The following GREB1L variants were observed in gnomAD, a reference collection of about 807,000 sequenced individuals.
GREB1L encodes GREB1 like retinoic acid receptor coactivator.
Under a neutral mutation model 200.8 loss-of-function variants are expected in GREB1L, and 17 were observed. The observed-to-expected ratio is 0.08, with a 90% CI of 0.06 to 0.13. The LOEUF is 0.13. Among genes scored for constraint, GREB1L ranks in the 10% least tolerant of loss-of-function variants. GREB1L has a pLI of 1.00. For synonymous variants in GREB1L, 789 were observed against 893.0 expected (o/e 0.88, Z 2.08); for missense variants, 1,657 against 2,367.7 (o/e 0.70, Z 6.23).
intron 7 of GREB1L, among the ~76,000 whole-genome samples, chr18:21,426,965 A>C (rs1352523368): frequency 1.9e-5 from 2 of 105,668 alleles, no homozygotes; most frequent in Non-Finnish European, 3.2e-5. Context: ...TCTCAAAAAA[A>C]AAAAAAACAA....
chr18:21,452,008 C>T (rs1292090175), intron 13 of GREB1L, 75 bp from the exon 14 acceptor site: 1 of 1,419,930 alleles, frequency 7.0e-7, no homozygotes, highest in Non-Finnish European at 9.6e-7. Context: ...AGCCTAACTG[C>T]CCAACTTGGG....
rs1022688409 is a variant in GREB1L at position 21,500,039 on chromosome 18, A to G, written c.3702A>G (p.Leu1234=). The change falls in exon 22 of 33, where the codon CTA becomes CTG. Residue 1234 remains leucine, a synonymous_variant. Coordinates refer to ENST00000424526, the MANE Select transcript of GREB1L (RefSeq NM_001142966.3). ...CAGCCCTGCCACCAGTGGTGATCCT[A>G]TCCAAAGCGGCCTACAGTCTCCTGG... ...PQAALPPVVI[L]SKAAYSLLGS... The G allele has an allele frequency of 1.2e-4, 186 of 1,551,410 alleles. No homozygotes were observed. The highest frequency in any genetic ancestry group is 1.5e-4 in the Non-Finnish European group (170 of 1,146,962).
At chr18:21,496,824 C>G in intron 21 of GREB1L, 126 bp downstream of exon 21, 1 of 988,142 alleles carries the variant, frequency 1.0e-6, no homozygotes, top group Non-Finnish European at 1.5e-6. Flanking sequence ...GGACTGGCAT[C>G]CTCTCCAGAC....
chr18:21,276,924 CTTTTTTT>C (rs573871373), intron 1 of GREB1L, among the ~76,000 whole-genome samples: 1 of 107,660 alleles, frequency 9.3e-6, no homozygotes, highest in East Asian at 2.6e-4. Flanking sequence ...CAGCCCAGCC[CTTTTTTT>C]TTTTTTTTTT....
intron 7 of GREB1L, among the ~76,000 whole-genome samples, chr18:21,405,949 T>G (rs1360084909): frequency 6.6e-6 from 1 of 150,916 alleles, no homozygotes; most frequent in East Asian, 2.0e-4. Flanking sequence ...CTGGGCAACA[T>G]AGTGAAACCC....
intron 1 of GREB1L, among the ~76,000 whole-genome samples, chr18:21,356,401 A>T (rs1471576884): frequency 6.6e-6 from 1 of 152,184 alleles, no homozygotes; most frequent in Non-Finnish European, 1.5e-5. Context: ...TTAAGATTCC[A>T]TATATAATTG....
intron 5 of GREB1L, among the ~76,000 whole-genome samples, 184 bp from the exon 6 acceptor site, chr18:21,400,966 C>T (rs1011721804): frequency 1.3e-5 from 2 of 152,140 alleles, no homozygotes; most frequent in African/African-American, 4.8e-5. Context: ...TATTTCCAGT[C>T]TTTCACTGTT....
intron 21 of GREB1L, among the ~76,000 whole-genome samples, chr18:21,497,399 T>A (rs966163860): frequency 1.3e-5 from 2 of 152,120 alleles, no homozygotes; most frequent in Admixed American, 6.5e-5. Context: ...TCCTAGCACT[T>A]TGGGAGGCCG....
At chr18:21,365,507 G>T (rs2039657643) in intron 1 of GREB1L, among the ~76,000 whole-genome samples, 1 of 152,094 alleles carries the variant, frequency 6.6e-6, no homozygotes, top group Non-Finnish European at 1.5e-5. Context: ...AGAAGGGTAA[G>T]AAACAATAGC....
intron 11 of GREB1L, among the ~76,000 whole-genome samples, chr18:21,445,331 G>T (rs1034811678): frequency 6.6e-6 from 1 of 152,136 alleles, no homozygotes; most frequent in Non-Finnish European, 1.5e-5. Context: ...AAAATTAGCT[G>T]GGCGTGGTGG....
intron 1 of GREB1L, among the ~76,000 whole-genome samples, chr18:21,294,683 T>C (rs924363419): frequency 6.6e-6 from 1 of 151,714 alleles, no homozygotes; most frequent in African/African-American, 2.4e-5. Flanking sequence ...AGGGTAAAGA[T>C]TAAAAACAAT....
intron 21 of GREB1L, among the ~76,000 whole-genome samples, chr18:21,498,404 C>T (rs769379622): frequency 8.5e-5 from 13 of 152,238 alleles, no homozygotes; most frequent in Non-Finnish European, 1.8e-4. Context: ...GCAACAGGCT[C>T]CCCAGTTTTC....
intron 1 of GREB1L, among the ~76,000 whole-genome samples, chr18:21,351,690 A>G (rs181698708): frequency 6.6e-6 from 1 of 152,296 alleles, no homozygotes; most frequent in East Asian, 1.9e-4. Context: ...ATAAGTTTCA[A>G]TAGGCACAGA....
chr18:21,496,792 C>T (rs571446483), intron 21 of GREB1L, 94 bp downstream of exon 21: 12 of 1,407,984 alleles, frequency 8.5e-6, no homozygotes, highest in African/African-American at 5.7e-5. Flanking sequence ...GACACCCCAA[C>T]GGCCTTCAGA....
chr18:21,310,737 T>C (rs1416807356), intron 1 of GREB1L, among the ~76,000 whole-genome samples: 2 of 152,256 alleles, frequency 1.3e-5, no homozygotes, highest in African/African-American at 4.8e-5. Context: ...TTTCATATTC[T>C]ATTACTAAGA....
intron 15 of GREB1L, among the ~76,000 whole-genome samples, chr18:21,456,859 C>T (rs1313670541): frequency 6.6e-6 from 1 of 152,152 alleles, no homozygotes; most frequent in African/African-American, 2.4e-5. Flanking sequence ...GTCGGTCACA[C>T]CAAGCAGTAG....
intron 1 of GREB1L, among the ~76,000 whole-genome samples, chr18:21,271,428 C>T (rs1470089647): frequency 6.6e-6 from 1 of 151,704 alleles, no homozygotes; most frequent in African/African-American, 2.4e-5. Context: ...AGGAGGACCA[C>T]TTGAGGCCAG....
chr18:21,397,257 G>A (rs2041106497), intron 5 of GREB1L, among the ~76,000 whole-genome samples: 1 of 152,018 alleles, frequency 6.6e-6, no homozygotes, highest in South Asian at 2.1e-4. Context: ...CACTTTGGGA[G>A]GTCGAGGTGG....
chr18:21,337,646 A>T (rs558890766), intron 1 of GREB1L, among the ~76,000 whole-genome samples: 1 of 152,340 alleles, frequency 6.6e-6, no homozygotes, highest in East Asian at 1.9e-4. Flanking sequence ...AGCACAGAGC[A>T]GTCAACTATC....
Sources: gnomAD v4.1 joint callset for allele counts (sites outside exome capture counted in the v4.1 genomes callset) on GRCh38, gnomAD v4.1.1 for gene constraint, MANE v1.5 for transcripts, NCBI Gene and HGNC (gene_info 2026-07-23, HGNC 2026-07-21) for gene names.